Variants in NRCAM observed in about 807,000 individuals in gnomAD.
NRCAM encodes the protein NgCAM-related cell adhesion molecule.
In NRCAM, 83 loss-of-function variants were observed where a neutral mutation model predicts 156.5. The ratio of observed to expected loss-of-function variants is 0.53; its 90% confidence interval spans 0.44 to 0.64. The LOEUF is 0.64. NRCAM is among the 30% of genes least tolerant of loss of function. The pLI, the probability that NRCAM is intolerant of heterozygous loss-of-function variation, is 0.00. For synonymous variants in NRCAM, 538 were observed against 563.9 expected (o/e 0.95, Z 0.65); for missense variants, 1,417 against 1,597.3 (o/e 0.89, Z 1.92).
chr7:108,272,163 C>G (rs1292652456), intron 3 of NRCAM, among the ~76,000 whole-genome samples: 1 of 152,246 alleles, frequency 6.6e-6, no homozygotes, highest in Non-Finnish European at 1.5e-5. Context: ...TTATGCCCTC[C>G]TGTGAGTATT....
intron 2 of NRCAM, among the ~76,000 whole-genome samples, chr7:108,390,661 T>C (rs1374486285): frequency 1.3e-5 from 2 of 152,214 alleles, no homozygotes; most frequent in South Asian, 2.1e-4. Flanking sequence ...TTAATTGTGA[T>C]GTTAGGGTGT....
At chr7:108,233,025 T>A (rs2094508426) in intron 6 of NRCAM, among the ~76,000 whole-genome samples, 1 of 152,198 alleles carries the variant, frequency 6.6e-6, no homozygotes, top group Non-Finnish European at 1.5e-5. Context: ...TTAAGAGACA[T>A]CAGTTCCAGA....
chr7:108,428,747 T>C (rs1005612387), intron 1 of NRCAM, among the ~76,000 whole-genome samples: 1 of 152,234 alleles, frequency 6.6e-6, no homozygotes, highest in South Asian at 2.1e-4. Flanking sequence ...TCCATTTCTT[T>C]CAGATTTTGA....
intron 17 of NRCAM, among the ~76,000 whole-genome samples, chr7:108,193,671 T>A (rs1205778011): frequency 1.3e-5 from 2 of 152,106 alleles, no homozygotes; most frequent in Non-Finnish European, 2.9e-5. Context: ...ATTAAAGAGG[T>A]CATATTTCTG....
chr7:108,316,821 T>C (rs2098931182), intron 2 of NRCAM, among the ~76,000 whole-genome samples: 1 of 150,530 alleles, frequency 6.6e-6, no homozygotes, highest in South Asian at 2.1e-4. Context: ...AGAAGTTCAG[T>C]GTGCAGTCAT....
chr7:108,365,617 G>T lies in NRCAM; in HGVS notation c.-174+33819C>A, dbSNP rs1295178623. Reference sequence around the variant, plus strand: ...TATTCTTCCTTCTCGTATTCAGACAGATACATATTCAGGATGAAAACCACA... The same window carrying T: ...TATTCTTCCTTCTCGTATTCAGACATATACATATTCAGGATGAAAACCACA... On this transcript the variant is annotated intron_variant, in intron 2 of 32. Coordinates refer to ENST00000379028, the MANE Select transcript of NRCAM (RefSeq NM_001037132.4). Among the ~76,000 whole-genome samples the T allele has an allele frequency of 8.0e-3, 1,216 of 152,210 alleles. 7 individuals carry two copies. Among genetic ancestry groups the T allele is most frequent in the African/African-American group, 0.028 (1,152 of 41,520 alleles).
chr7:108,251,547 A>T (rs1466893936), intron 3 of NRCAM, among the ~76,000 whole-genome samples: 1 of 152,228 alleles, frequency 6.6e-6, no homozygotes, highest in Non-Finnish European at 1.5e-5. Flanking sequence ...ATGGTTACTG[A>T]GATGCCAGCA....
intron 2 of NRCAM, among the ~76,000 whole-genome samples, chr7:108,367,107 G>A (rs929524779): frequency 3.9e-5 from 6 of 152,150 alleles, no homozygotes; most frequent in African/African-American, 1.4e-4. Flanking sequence ...AAATGGGAAA[G>A]TGAAAGTGAC....
intron 1 of NRCAM, among the ~76,000 whole-genome samples, chr7:108,428,499 T>C (rs2154451008): frequency 1.3e-5 from 2 of 152,284 alleles, no homozygotes; most frequent in East Asian, 3.9e-4. Context: ...GAGAAGACTA[T>C]ATGTTCCTGT....
intron 28 of NRCAM, among the ~76,000 whole-genome samples, chr7:108,173,781 T>C (rs1563252495): frequency 6.6e-6 from 1 of 152,196 alleles, no homozygotes; most frequent in Non-Finnish European, 1.5e-5. Context: ...TAATCATAAG[T>C]AGCTCACAAT....
chr7:108,164,277 A>G (rs575892948), intron 30 of NRCAM, among the ~76,000 whole-genome samples: 84 of 151,984 alleles, frequency 5.5e-4, no homozygotes, highest in African/African-American at 1.3e-3. Flanking sequence ...GAAGAAGCGC[A>G]GCATCAGGAC....
At chr7:108,296,679 T>C (rs1403870329) in intron 3 of NRCAM, among the ~76,000 whole-genome samples, 2 of 152,164 alleles carry the variant, frequency 1.3e-5, no homozygotes, top group Non-Finnish European at 2.9e-5. Context: ...TTTTACTGTA[T>C]GAATAAGAAA....
chr7:108,296,116 C>G (rs1021200003), intron 3 of NRCAM, among the ~76,000 whole-genome samples: 7 of 152,202 alleles, frequency 4.6e-5, no homozygotes, highest in Non-Finnish European at 1.0e-4. Flanking sequence ...ACACACTCCA[C>G]AGTCTTAAGA....
chr7:108,444,368 T>G (rs1212768781), intron 1 of NRCAM, among the ~76,000 whole-genome samples: 1 of 139,254 alleles, frequency 7.2e-6, no homozygotes, highest in Non-Finnish European at 1.6e-5. Context: ...AAAGCTGTAT[T>G]CTCTTTTTTT....
chr7:108,339,212 C>T (rs1328016346), intron 2 of NRCAM, among the ~76,000 whole-genome samples: 1 of 152,134 alleles, frequency 6.6e-6, no homozygotes, highest in African/African-American at 2.4e-5. Context: ...GAACTCCCTT[C>T]AGTACAGGAT....
chr7:108,368,234 A>ACCCCCCCCCCCCCCCCCCCCC (rs1372350824), intron 2 of NRCAM, among the ~76,000 whole-genome samples: 3 of 60,360 alleles, frequency 5.0e-5, no homozygotes, highest in Admixed American at 1.8e-4. Flanking sequence ...ACCCCCCCCC[A>ACCCCCCCCCCCCCCCCCCCCC]CCCCCCCGCC....
At chr7:108,240,403 T>C (rs1392919107) in intron 3 of NRCAM, among the ~76,000 whole-genome samples, 4 of 152,174 alleles carry the variant, frequency 2.6e-5, no homozygotes, top group African/African-American at 9.7e-5. Flanking sequence ...ACCATCCTTA[T>C]GATTTTTCCA....
chr7:108,367,251 T>C (rs991060018), intron 2 of NRCAM, among the ~76,000 whole-genome samples: 1 of 152,188 alleles, frequency 6.6e-6, no homozygotes, highest in African/African-American at 2.4e-5. Flanking sequence ...TGAAATATCA[T>C]CCTGCTAAAA....
chr7:108,377,830 T>C (rs2099682608), intron 2 of NRCAM, among the ~76,000 whole-genome samples: 1 of 152,108 alleles, frequency 6.6e-6, no homozygotes, highest in African/African-American at 2.4e-5. Flanking sequence ...TATAAAAGAA[T>C]AGCTAAGCTA....
Sources: gnomAD v4.1 joint callset for allele counts (sites outside exome capture counted in the v4.1 genomes callset) on GRCh38, gnomAD v4.1.1 for gene constraint, MANE v1.5 for transcripts, NCBI Gene and HGNC (gene_info 2026-07-23, HGNC 2026-07-21) for gene names.